Variants in CDH6 observed in about 807,000 individuals in gnomAD.
The protein encoded by CDH6 is cadherin 6.
Under a neutral mutation model 78.0 loss-of-function variants are expected in CDH6, and 31 were observed. The observed-to-expected ratio is 0.40, with a 90% CI of 0.30 to 0.54. The LOEUF (loss-of-function observed/expected upper bound fraction) is 0.54, where lower values mean the gene tolerates loss of function less well. CDH6 is among the 20% of genes least tolerant of loss of function. The probability of loss-of-function intolerance (pLI) is 0.56; values close to 1 mark genes in which losing one functional copy is unlikely to be tolerated. For synonymous variants in CDH6, 376 were observed against 368.8 expected (o/e 1.02, Z -0.23); for missense variants, 724 against 975.9 (o/e 0.74, Z 3.44).
chr5:31,275,223 T>C (rs1365234009), intron 2 of CDH6, among the ~76,000 whole-genome samples: 1 of 152,062 alleles, frequency 6.6e-6, no homozygotes, highest in East Asian at 1.9e-4. Flanking sequence ...ATTCAGAGAG[T>C]ACATGTACAG....
intron 7 of CDH6, among the ~76,000 whole-genome samples, chr5:31,309,597 A>C (rs1738087338): frequency 6.6e-6 from 1 of 151,446 alleles, no homozygotes; most frequent in African/African-American, 2.4e-5. Context: ...TTTTCTCTGT[A>C]ATACCCCACC....
At chr5:31,249,856 C>G (rs554126722) in intron 1 of CDH6, 4 of 152,304 alleles carry the variant, frequency 2.6e-5, no homozygotes, top group African/African-American at 9.7e-5. Context: ...GGGATTGGAC[C>G]AACACTTCAC....
At position 31,323,853 on chromosome 5, in the gene CDH6, T is replaced by C. The variant is rs947372917; in HGVS notation, c.*545T>C. On this transcript the variant is annotated 3_prime_UTR_variant, in exon 12 of 12. Coordinates refer to ENST00000265071, the MANE Select transcript of CDH6 (RefSeq NM_004932.4). ...AAGAACTTTCTCTGCCATCAACTAC[T>C]ATTCAAAACCTCAAATCCACCCATA... is the stretch of plus-strand genomic sequence containing the variant. 4.3e-6 allele frequency: 1 copy of C among 230,420 alleles called. No individual in the cohort carries two copies. The highest frequency in any genetic ancestry group is 8.6e-6 in the Non-Finnish European group (1 of 116,384). 14.3% of individuals were successfully genotyped at this position (230,420 alleles called of 1,614,324 possible).
chr5:31,242,512 G>A (rs1741631462), intron 1 of CDH6, among the ~76,000 whole-genome samples: 1 of 152,158 alleles, frequency 6.6e-6, no homozygotes, highest in Admixed American at 6.5e-5. Flanking sequence ...TTGTTCAGAA[G>A]CAGTGTTGGG....
At chr5:31,302,784 G>T (rs1457954235) in intron 6 of CDH6, among the ~76,000 whole-genome samples, 7 of 54,406 alleles carry the variant, frequency 1.3e-4, no homozygotes, top group African/African-American at 4.5e-4. Context: ...AAGAAAGAGA[G>T]AGAGAGAGAG....
In CDH6 at chr5:31,299,163, CATAATGTAATTAT is replaced by C. The variant is rs563122515; in HGVS notation, c.644-299_644-287del. On this transcript the variant is annotated intron_variant, in intron 4 of 11. Coordinates refer to ENST00000265071, the MANE Select transcript of CDH6 (RefSeq NM_004932.4). ...TTATAACACTTAATGTTTATACATC[CATAATGTAATTAT>C]AATATTGAGTGTCTTATAACCCTTA... Among the ~76,000 whole-genome samples, 19 of 152,236 alleles carry C rather than the reference CATAATGTAATTAT, an allele frequency of 1.2e-4. No individual in the cohort carries two copies. The South Asian group carries it at 3.9e-3, about 32-fold the overall frequency.
rs1466395154 is a variant in CDH6, at chr5:31,326,172, ATT to A, written c.*2866_*2867del. On this transcript the variant is annotated 3_prime_UTR_variant, in exon 12 of 12. Transcript: ENST00000265071. Reference sequence around the variant, plus strand: ...GAGTGGGAAGAAGTAAAATTTTAATATTTGTTTCAATCACTTTGAAACTAAAA... The same window carrying A: ...GAGTGGGAAGAAGTAAAATTTTAATATGTTTCAATCACTTTGAAACTAAAA... The A allele has an allele frequency of 3.1e-5, 7 of 227,818 alleles. No individual in the cohort carries two copies. The highest frequency in any genetic ancestry group is 1.1e-4 in the Admixed American group (2 of 17,598). The allele number at this position is 227,818 out of a possible 1,614,324, so 14.1% of individuals were successfully genotyped here. A position where few individuals can be genotyped will look rare whatever the true frequency, so the allele number is the denominator to read the frequency against.
At position 31,206,249 on chromosome 5, in the gene CDH6, T is replaced by C. The variant is rs184242439; in HGVS notation, c.-129+12363T>C. 4.3e-3 allele frequency among the ~76,000 whole-genome samples: 652 copies of C among 152,136 alleles called. 6 individuals carry two copies. The highest frequency in any genetic ancestry group is 0.015 in the African/African-American group (638 of 41,516). ...TAGATTCAAATGTATGAATCTCAAA[T>C]ACAAAAAAAGTCAAAGGTATGGGTA... On this transcript the variant is annotated intron_variant, in intron 1 of 11. Transcript: ENST00000265071.
chr5:31,201,284 T>C (rs55686704), intron 1 of CDH6, among the ~76,000 whole-genome samples: 62,490 of 151,980 alleles, frequency 0.41, 13,486 homozygotes, highest in South Asian at 0.55. Flanking sequence ...CCTCAAAATA[T>C]TGACCATTGC....
intron 2 of CDH6, among the ~76,000 whole-genome samples, chr5:31,271,255 T>C (rs184433268): frequency 6.7e-6 from 1 of 149,852 alleles, no homozygotes; most frequent in African/African-American, 2.5e-5. Flanking sequence ...AAAATGAGAG[T>C]AAGTGAGGGA....
chr5:31,298,795 A>G (rs1269104734), intron 4 of CDH6, among the ~76,000 whole-genome samples: 2 of 152,212 alleles, frequency 1.3e-5, no homozygotes, highest in Non-Finnish European at 2.9e-5. Context: ...CATTGGGGCC[A>G]GTTGAACTAA....
intron 2 of CDH6, among the ~76,000 whole-genome samples, chr5:31,281,004 CTCA>C (rs1742849256): frequency 3.3e-5 from 5 of 151,792 alleles, no homozygotes; most frequent in Admixed American, 3.3e-4. Context: ...ATTCAATTTA[CTCA>C]TCATTTATTG....
chr5:31,199,667 G>A (rs1001872328), intron 1 of CDH6, among the ~76,000 whole-genome samples: 11 of 82,042 alleles, frequency 1.3e-4, no homozygotes, highest in Admixed American at 2.9e-4. Flanking sequence ...GTGTGTGTGT[G>A]TATGTGTGTG....
chr5:31,272,509 T>C (rs1004687579), intron 2 of CDH6, among the ~76,000 whole-genome samples: 4 of 152,138 alleles, frequency 2.6e-5, no homozygotes, highest in African/African-American at 9.7e-5. Context: ...TAGTCTAAGA[T>C]TACATTCCAT....
chr5:31,260,747 G>A (rs1398528950), intron 1 of CDH6, among the ~76,000 whole-genome samples: 1 of 152,194 alleles, frequency 6.6e-6, no homozygotes, highest in Non-Finnish European at 1.5e-5. Context: ...CACAAGAGAA[G>A]TGCTTCATGG....
chr5:31,288,965 AG>A (rs1473443953), intron 2 of CDH6, among the ~76,000 whole-genome samples: 1 of 151,600 alleles, frequency 6.6e-6, no homozygotes, highest in Non-Finnish European at 1.5e-5. Context: ...TTGGGGGGAG[AG>A]GGGGTTCTTT....
chr5:31,223,464 G>A (rs896262192), intron 1 of CDH6, among the ~76,000 whole-genome samples: 1 of 152,182 alleles, frequency 6.6e-6, no homozygotes, highest in African/African-American at 2.4e-5. Flanking sequence ...GCTCTCTAAT[G>A]TGGAACTTAG....
rs779795614 is a variant in CDH6 at position 31,294,306 on chromosome 5, C to T, written c.523+50C>T. 1.3e-6 allele frequency: 2 copies of T among 1,494,696 alleles called. No individual in the cohort carries two copies. The highest frequency in any genetic ancestry group is 1.8e-6 in the Non-Finnish European group (2 of 1,089,590). The allele number at this position is 1,494,696 out of a possible 1,614,324, so 92.6% of individuals were successfully genotyped here. A position where few individuals can be genotyped will look rare whatever the true frequency, so the allele number is the denominator to read the frequency against. On this transcript the variant is annotated intron_variant, in intron 3 of 11. Transcript: ENST00000265071. This position sits in a 1 kb window ranked among gnomAD's most constrained non-coding sequence, Gnocchi z 4.1. ...AAAGCTGGCTTTCCCCTAGTGCATC[C>T]ACTGAGTAAGGAATCCCACGAGCTC...
intron 2 of CDH6, among the ~76,000 whole-genome samples, chr5:31,270,177 T>C (rs1369946666): frequency 6.6e-6 from 1 of 152,194 alleles, no homozygotes. Flanking sequence ...GATGCGATTA[T>C]CCAGCTCCAC....
Sources: allele counts gnomAD v4.1 joint callset (sites outside exome capture counted in the v4.1 genomes callset), GRCh38; gene constraint gnomAD v4.1.1; non-coding constraint Gnocchi (gnomAD v3.1); transcripts MANE v1.5; gene names NCBI Gene and HGNC (gene_info 2026-07-23, HGNC 2026-07-21).